Variants in NRIP2 observed in about 807,000 individuals in gnomAD.
The protein encoded by NRIP2 is nuclear receptor interacting protein 2.
In NRIP2, 27 loss-of-function variants were observed where a neutral mutation model predicts 34.1. The observed-to-expected ratio is 0.79, with a 90% CI of 0.58 to 1.09. NRIP2 has a LOEUF of 1.09. Ranked by LOEUF, NRIP2 falls within the 50% of genes least tolerant of loss-of-function variation. The pLI, the probability that NRIP2 is intolerant of heterozygous loss-of-function variation, is 0.00. For missense variants in NRIP2, 385 were observed against 352.6 expected (o/e 1.09, Z -0.74); for synonymous variants, 145 against 146.9 (o/e 0.99, Z 0.09).
At chr12:2,832,975 T>C (rs1159865184) in intron 1 of NRIP2, among the ~76,000 whole-genome samples, 4 of 151,818 alleles carry the variant, frequency 2.6e-5, no homozygotes, top group African/African-American at 7.3e-5. Context: ...GCACTTCCCA[T>C]CTTCCACCTT....
intron 1 of NRIP2, among the ~76,000 whole-genome samples, chr12:2,832,697 C>T (rs893634130): frequency 4.7e-5 from 7 of 150,290 alleles, no homozygotes; most frequent in East Asian, 2.0e-4. Context: ...GCCTGGAGAG[C>T]GCTTGAGTCT....
At chr12:2,831,310 G>A (rs1211292746) in intron 1 of NRIP2, among the ~76,000 whole-genome samples, 2 of 151,888 alleles carry the variant, frequency 1.3e-5, no homozygotes, top group Non-Finnish European at 2.9e-5. Context: ...TAGGCCAGGC[G>A]TGGTGGCTCA....
In NRIP2 at chr12:2,827,325, A is replaced by G; in HGVS notation, c.754-26T>C. ...CTGCGGGGTGTAGAGCAGTCATGCCAGGTCACCTCAGCCCGCCACCTGCCT... is the reference window on the plus strand; with the variant it reads ...CTGCGGGGTGTAGAGCAGTCATGCCGGGTCACCTCAGCCCGCCACCTGCCT... On this transcript the variant is annotated intron_variant, in intron 5 of 5. Transcript: ENST00000337508. This position sits in a 1 kb window ranked among gnomAD's most constrained non-coding sequence, Gnocchi z 4.0. 4 of 1,600,736 alleles carry G rather than the reference A, an allele frequency of 2.5e-6. No individual in the cohort carries two copies. Among genetic ancestry groups the G allele is most frequent in the African/African-American group, 1.3e-5 (1 of 74,538 alleles).
At position 2,827,638 on chromosome 12, in the gene NRIP2, A is replaced by G. The variant is rs951116198; in HGVS notation, c.740T>C (p.Leu247Pro). 6 of 1,614,204 alleles carry G rather than the reference A, an allele frequency of 3.7e-6. No individual in the cohort carries two copies. The highest frequency in any genetic ancestry group is 5.1e-6 in the Non-Finnish European group (6 of 1,180,042). The change falls in exon 5 of 6, where the codon CTG (leucine) becomes CCG (proline). Residue 247 changes from leucine (L) to proline (P), a missense_variant. Transcript: ENST00000337508. The surrounding 1 kb of genome is among the most constrained non-coding windows in gnomAD (Gnocchi z 4.0). ...SPEFCLGLQT[L>P]LSLKCCIDLE... is the part of the protein sequence containing the mutation. Reference sequence around the variant, plus strand: ...TGGGTGCCTTACCTTGAGAGAAAGCAGAGTCTGCAGGCCCAGGCAGAATTC... The same window carrying G: ...TGGGTGCCTTACCTTGAGAGAAAGCGGAGTCTGCAGGCCCAGGCAGAATTC...
chr12:2,833,529 C>T (rs1331637654), intron 1 of NRIP2, among the ~76,000 whole-genome samples: 2 of 151,880 alleles, frequency 1.3e-5, no homozygotes, highest in South Asian at 2.1e-4. Context: ...TTCAGGTTCC[C>T]GGGGAGAAGC....
Position 2,827,050 on chromosome 12 carries a change from C to T in NRIP2, c.*157G>A, listed in dbSNP as rs1329823384. On this transcript the variant is annotated 3_prime_UTR_variant, in exon 6 of 6. Coordinates refer to ENST00000337508, the MANE Select transcript of NRIP2 (RefSeq NM_031474.3). This position sits in a 1 kb window ranked among gnomAD's most constrained non-coding sequence, Gnocchi z 4.0. Reference sequence around the variant, plus strand: ...AGCTGCTGAGAAGCAGAGAGGAATGCGGCCAGCTGGGGAAAATGGGACAGC... The same window carrying T: ...AGCTGCTGAGAAGCAGAGAGGAATGTGGCCAGCTGGGGAAAATGGGACAGC... The T allele has an allele frequency of 6.1e-6, 9 of 1,466,852 alleles. No individual in the cohort carries two copies. Among genetic ancestry groups the T allele is most frequent in the African/African-American group, 1.4e-5 (1 of 69,328 alleles). 90.9% of individuals were successfully genotyped at this position (1,466,852 alleles called of 1,614,324 possible).
chr12:2,828,247 G>T, intron 3 of NRIP2, 85 bp downstream of exon 3: 1 of 1,271,784 alleles, frequency 7.9e-7, no homozygotes, highest in Non-Finnish European at 1.1e-6. Context: ...ATATGCAACT[G>T]TCGTCACTAT....
Position 2,827,037 on chromosome 12 carries a change from G to T in NRIP2, c.*170C>A. The T allele has an allele frequency of 6.9e-7, 1 of 1,456,376 alleles. No individual in the cohort carries two copies. Among genetic ancestry groups the T allele is most frequent in the Non-Finnish European group, 9.0e-7 (1 of 1,112,690 alleles). 90.2% of individuals were successfully genotyped at this position (1,456,376 alleles called of 1,614,324 possible). A position where few individuals can be genotyped will look rare whatever the true frequency, so the allele number is the denominator to read the frequency against. ...TGGGGAGTAGGACAGCTGCTGAGAA[G>T]CAGAGAGGAATGCGGCCAGCTGGGG... On this transcript the variant is annotated 3_prime_UTR_variant, in exon 6 of 6. Coordinates refer to ENST00000337508, the MANE Select transcript of NRIP2 (RefSeq NM_031474.3). This position sits in a 1 kb window ranked among gnomAD's most constrained non-coding sequence, Gnocchi z 4.0.
At chr12:2,833,484 A>C (rs1276632749) in intron 1 of NRIP2, among the ~76,000 whole-genome samples, 1 of 151,976 alleles carries the variant, frequency 6.6e-6, no homozygotes, top group East Asian at 1.9e-4. Context: ...GGAAAGGTGG[A>C]GCTAAGTAGG....
chr12:2,828,258 CTAATT>C, intron 3 of NRIP2, 69 bp downstream of exon 3: 1 of 1,348,560 alleles, frequency 7.4e-7, no homozygotes, highest in African/African-American at 1.4e-5. Flanking sequence ...TCGTCACTAT[CTAATT>C]TGAGAATATT....
rs1242108790 is a variant in NRIP2, at chr12:2,827,572, C to T, written c.753+53G>A. 3 of 1,613,300 alleles carry T rather than the reference C, an allele frequency of 1.9e-6. No individual in the cohort carries two copies. In the African/African-American group the frequency reaches 4.0e-5, roughly 22 times the overall value. On this transcript the variant is annotated intron_variant, in intron 5 of 5. Transcript: ENST00000337508. This position sits in a 1 kb window ranked among gnomAD's most constrained non-coding sequence, Gnocchi z 4.0. Reference sequence around the variant, plus strand: ...CCTGGTCCAGGTTCCACACCTGTGCCTTCTACTACTTTTTCCCAGTGCTTT... The same window carrying T: ...CCTGGTCCAGGTTCCACACCTGTGCTTTCTACTACTTTTTCCCAGTGCTTT...
At chr12:2,829,400 T>A (rs111239743) in intron 2 of NRIP2, among the ~76,000 whole-genome samples, 32 of 152,374 alleles carry the variant, frequency 2.1e-4, no homozygotes, top group African/African-American at 7.2e-4. Context: ...GGTATATCAA[T>A]GAATGCTATT....
chr12:2,828,284 C>CG (rs752243179), intron 3 of NRIP2, 48 bp downstream of exon 3: 137 of 1,531,974 alleles, frequency 8.9e-5, no homozygotes, highest in South Asian at 6.6e-4. Flanking sequence ...TTCATCACCC[C>CG]AAAAAGAAAC....
intron 1 of NRIP2, among the ~76,000 whole-genome samples, chr12:2,831,622 G>A (rs1413148867): frequency 6.6e-6 from 1 of 151,630 alleles, no homozygotes; most frequent in Non-Finnish European, 1.5e-5. Context: ...TTAAGAACTA[G>A]GATGCTGGGA....
chr12:2,826,977 C>T lies in NRIP2; in HGVS notation c.*230G>A, dbSNP rs2097970163. On this transcript the variant is annotated 3_prime_UTR_variant, in exon 6 of 6. Coordinates refer to ENST00000337508, the MANE Select transcript of NRIP2 (RefSeq NM_031474.3). ...TCTTGGGAGGAAGATGAATCAGAAT[C>T]CTGGCATCGTGGGCCCTCTAGTGAA... 1.5e-6 allele frequency: 2 copies of T among 1,356,664 alleles called. No homozygotes were observed. Among genetic ancestry groups the T allele is most frequent in the African/African-American group, 1.5e-5 (1 of 66,832 alleles). 84.0% of individuals were successfully genotyped at this position (1,356,664 alleles called of 1,614,324 possible).
chr12:2,832,561 C>T (rs10848710), intron 1 of NRIP2, among the ~76,000 whole-genome samples: 4 of 151,612 alleles, frequency 2.6e-5, no homozygotes, highest in African/African-American at 9.7e-5. Context: ...GATGTACCCT[C>T]TCCAGGATAC....
intron 1 of NRIP2, among the ~76,000 whole-genome samples, chr12:2,831,923 G>T (rs773875875): frequency 2.6e-5 from 4 of 152,066 alleles, no homozygotes; most frequent in Non-Finnish European, 5.9e-5. Flanking sequence ...GTTACTGCCT[G>T]TGTTCCAGAC....
Position 2,827,506 on chromosome 12 carries a change from C to T in NRIP2, c.753+119G>A. 1 of 1,566,198 alleles carries T rather than the reference C, an allele frequency of 6.4e-7. No homozygotes were observed. The highest frequency in any genetic ancestry group is 1.4e-5 in the African/African-American group (1 of 72,916). On this transcript the variant is annotated intron_variant, in intron 5 of 5. Transcript: ENST00000337508. This position sits in a 1 kb window ranked among gnomAD's most constrained non-coding sequence, Gnocchi z 4.0. ...GGTAAGTAAGGAACCTCTAAGGAAG[C>T]AAAGGGACAGTTGCCCATCTCTAAG... is the stretch of plus-strand genomic sequence containing the variant.
intron 2 of NRIP2, chr12:2,830,155 C>T (rs2097994188): frequency 6.6e-6 from 1 of 151,990 alleles, no homozygotes; most frequent in African/African-American, 2.4e-5. Context: ...CTGTTTCCTA[C>T]TGGGGAAATC....
Sources: gnomAD v4.1 joint callset for allele counts (sites outside exome capture counted in the v4.1 genomes callset) on GRCh38, gnomAD v4.1.1 for gene constraint, Gnocchi (gnomAD v3.1) non-coding constraint, MANE v1.5 for transcripts, NCBI Gene and HGNC (gene_info 2026-07-23, HGNC 2026-07-21) for gene names.